Variants in EIF4E3 observed in about 807,000 individuals in gnomAD.
EIF4E3 encodes eukaryotic translation initiation factor 4E family member 3.
A neutral mutation model predicts 31.7 loss-of-function variants in EIF4E3; 26 were observed. The observed-to-expected ratio is 0.82, with a 90% CI of 0.60 to 1.14. The LOEUF is 1.14. EIF4E3 is among the 50% of genes most tolerant of loss of function. The probability of loss-of-function intolerance (pLI) is 0.00; values close to 1 mark genes in which losing one functional copy is unlikely to be tolerated. For synonymous variants in EIF4E3, 128 were observed against 107.7 expected (o/e 1.19, Z -1.17); for missense variants, 304 against 270.9 (o/e 1.12, Z -0.86).
At chr3:71,733,907 T>A (rs1337743306) in intron 1 of EIF4E3, among the ~76,000 whole-genome samples, 2 of 152,214 alleles carry the variant, frequency 1.3e-5, no homozygotes, top group Admixed American at 1.3e-4. Flanking sequence ...TACATGACAT[T>A]TTTAGAACTC....
chr3:71,711,560 A>G (rs1444617554), intron 1 of EIF4E3, among the ~76,000 whole-genome samples: 1 of 152,214 alleles, frequency 6.6e-6, no homozygotes, highest in Non-Finnish European at 1.5e-5. Context: ...CAAAACTCAC[A>G]TGAGCTCAGA....
upstream of EIF4E3, chr3:71,754,429 A>G (rs1437199284): frequency 7.4e-7 from 1 of 1,357,502 alleles, no homozygotes; most frequent in South Asian, 1.6e-5. This position sits in a 1 kb window ranked among gnomAD's most constrained non-coding sequence, Gnocchi z 5.8. Context: ...ATCGCGCACC[A>G]CCGCTTCTAT....
At chr3:71,691,670 A>G (rs2049065405) in intron 5 of EIF4E3, among the ~76,000 whole-genome samples, 1 of 152,220 alleles carries the variant, frequency 6.6e-6, no homozygotes, top group Non-Finnish European at 1.5e-5. Context: ...CAAACTGTAC[A>G]CATACGACGT....
Position 71,680,283 on chromosome 3 carries a change from G to C in EIF4E3, c.*4399C>G, listed in dbSNP as rs1044700940. The C allele has an allele frequency of 6.6e-6, 1 of 152,168 alleles. No individual in the cohort carries two copies. The highest frequency in any genetic ancestry group is 1.5e-5 in the Non-Finnish European group (1 of 68,034). 9.4% of individuals were successfully genotyped at this position (152,168 alleles called of 1,614,324 possible). Reference sequence around the variant, plus strand: ...AGCGATCTGAGCACCATCAGCATTAGAATCACTAGGGCACTTGTTAAAAAT... The same window carrying C: ...AGCGATCTGAGCACCATCAGCATTACAATCACTAGGGCACTTGTTAAAAAT... On this transcript the variant is annotated 3_prime_UTR_variant, in exon 7 of 7. Transcript: ENST00000425534.
intron 1 of EIF4E3, among the ~76,000 whole-genome samples, chr3:71,723,302 T>G (rs1285064604): frequency 6.6e-6 from 1 of 152,202 alleles, no homozygotes; most frequent in Non-Finnish European, 1.5e-5. Flanking sequence ...GAGAAAAAGT[T>G]CAATAAAAAT....
At chr3:71,684,981 C>T (rs1423426979) in intron 6 of EIF4E3, among the ~76,000 whole-genome samples, 1 of 152,030 alleles carries the variant, frequency 6.6e-6, no homozygotes, top group Non-Finnish European at 1.5e-5. Context: ...CTTGCTGTGC[C>T]TGGGAGGATG....
the EIF4E3 span, among the ~76,000 whole-genome samples, chr3:71,666,980 C>G: frequency 6.6e-6 from 1 of 151,960 alleles, no homozygotes; most frequent in Non-Finnish European, 1.5e-5. Flanking sequence ...ATATCCCTGA[C>G]GAACATCAAT....
At chr3:71,688,046 C>T (rs2049016656) in intron 6 of EIF4E3, among the ~76,000 whole-genome samples, 1 of 151,826 alleles carries the variant, frequency 6.6e-6, no homozygotes, top group African/African-American at 2.4e-5. Context: ...TTTATTTGAA[C>T]AATCTTTGAG....
intron 1 of EIF4E3, among the ~76,000 whole-genome samples, chr3:71,751,942 T>A (rs893661742): frequency 6.6e-6 from 1 of 152,192 alleles, no homozygotes; most frequent in Non-Finnish European, 1.5e-5. Context: ...TACACGTTTT[T>A]TGCTACTAGT....
At chr3:71,660,086 G>A in the EIF4E3 span, among the ~76,000 whole-genome samples, 1 of 152,296 alleles carries the variant, frequency 6.6e-6, no homozygotes, top group Non-Finnish European at 1.5e-5. Flanking sequence ...TATGCTCATT[G>A]CTGCTGGAGA....
In EIF4E3 at chr3:71,725,152, CG is replaced by C; in HGVS notation, c.176+39del. On this transcript the variant is annotated intron_variant, in intron 1 of 6. Coordinates refer to ENST00000425534, the MANE Select transcript of EIF4E3 (RefSeq NM_001134651.2). This position sits in a 1 kb window ranked among gnomAD's most constrained non-coding sequence, Gnocchi z 6.1. ...ACAAAGCGGCGGTGGCGGCAGGACC[CG>C]GGTCGGGGCCGTGCGCGGCGGGCCC... 1 of 1,046,130 alleles carries C rather than the reference CG, an allele frequency of 9.6e-7. No homozygotes were observed. The highest frequency in any genetic ancestry group is 1.1e-6 in the Non-Finnish European group (1 of 871,718). 64.8% of individuals were successfully genotyped at this position (1,046,130 alleles called of 1,614,324 possible).
At chr3:71,731,334 C>T (rs376310330) in intron 1 of EIF4E3, among the ~76,000 whole-genome samples, 99 of 152,350 alleles carry the variant, frequency 6.5e-4, no homozygotes, top group African/African-American at 2.3e-3. Flanking sequence ...TCTGTGGCCA[C>T]AGGGCACCTG....
chr3:71,687,422 A>G (rs1286826983), intron 6 of EIF4E3, among the ~76,000 whole-genome samples: 1 of 152,236 alleles, frequency 6.6e-6, no homozygotes, highest in Non-Finnish European at 1.5e-5. Flanking sequence ...TTTGATATTC[A>G]TATAATTTTC....
chr3:71,669,477 T>C, the EIF4E3 span, among the ~76,000 whole-genome samples: 3 of 152,328 alleles, frequency 2.0e-5, no homozygotes, highest in Admixed American at 1.3e-4. Flanking sequence ...CCCCCAACAA[T>C]TGAATTTTTG....
chr3:71,705,981 GA>G (rs1448221760), intron 2 of EIF4E3, among the ~76,000 whole-genome samples: 2 of 152,184 alleles, frequency 1.3e-5, no homozygotes, highest in Non-Finnish European at 2.9e-5. Context: ...AATCACAAGA[GA>G]AATGTGGAAA....
intron 1 of EIF4E3, among the ~76,000 whole-genome samples, chr3:71,742,666 A>G (rs2049831862): frequency 6.6e-6 from 1 of 152,234 alleles, no homozygotes; most frequent in Admixed American, 6.5e-5. Context: ...CAAAGCCAGT[A>G]CAAGAAAAAA....
At chr3:71,695,929 C>T (rs775817581) in intron 4 of EIF4E3, among the ~76,000 whole-genome samples, 1 of 152,158 alleles carries the variant, frequency 6.6e-6, no homozygotes, top group Non-Finnish European at 1.5e-5. Flanking sequence ...AACCAGCATC[C>T]CACCAGGTCA....
At chr3:71,752,908 C>T (rs2049948335) in intron 1 of EIF4E3, among the ~76,000 whole-genome samples, 1 of 152,146 alleles carries the variant, frequency 6.6e-6, no homozygotes. Context: ...ACAGGGGCTG[C>T]CCTTTCAGGC....
intron 6 of EIF4E3, among the ~76,000 whole-genome samples, chr3:71,688,202 TG>T (rs923260312): frequency 5.9e-5 from 9 of 152,214 alleles, no homozygotes; most frequent in African/African-American, 2.2e-4. Flanking sequence ...TCCCCTTGTT[TG>T]GCTTTTTTCT....
Sources: gnomAD v4.1 joint callset for allele counts (sites outside exome capture counted in the v4.1 genomes callset) on GRCh38, gnomAD v4.1.1 for gene constraint, Gnocchi (gnomAD v3.1) non-coding constraint, MANE v1.5 for transcripts, NCBI Gene and HGNC (gene_info 2026-07-23, HGNC 2026-07-21) for gene names.